The following RARS2 variants were observed in gnomAD, a reference collection of about 807,000 sequenced individuals.
RARS2 encodes probable arginine--tRNA ligase, mitochondrial.
A neutral mutation model predicts 88.5 loss-of-function variants in RARS2; 67 were observed. That is an observed-to-expected ratio of 0.76 (90% confidence interval 0.62 to 0.93). RARS2 has a LOEUF of 0.93. Ranked by LOEUF, RARS2 falls within the 40% of genes least tolerant of loss-of-function variation. The pLI is 0.00. For missense variants in RARS2, 664 were observed against 684.2 expected (o/e 0.97, Z 0.33); for synonymous variants, 239 against 230.3 (o/e 1.04, Z -0.34).
Position 87,520,184 on chromosome 6 carries a change from C to G in RARS2, c.1108G>C (p.Glu370Gln), listed in dbSNP as rs138490776. The change falls in exon 13 of 20, where the codon GAA becomes CAA. Residue 370 changes from glutamate (E) to glutamine (Q), a missense_variant. By Grantham distance (29) the Glu-to-Gln change is conservative. Transcript: ENST00000369536. ...MLKIMGYDWA[E>Q]RCQHVPFGVV... The stretch of plus-strand genomic sequence containing the variant: ...TAAGAACCATGCAGACATTACCTTT[C>G]TGCCCAGTCATATCCCATGATCTTC... 3.2e-5 allele frequency: 52 copies of G among 1,612,824 alleles called. No homozygotes were observed. The African/African-American group carries it at 4.8e-4, about 15-fold the overall frequency.
At chr6:87,529,759 A>G in intron 9 of RARS2, 111 bp from the exon 10 acceptor site, 1 of 758,208 alleles carries the variant, frequency 1.3e-6, no homozygotes. Flanking sequence ...TGAACACAAT[A>G]AAAATTAAAT....
chr6:87,552,987 A>T (rs1235679435), intron 5 of RARS2, among the ~76,000 whole-genome samples: 1 of 152,192 alleles, frequency 6.6e-6, no homozygotes, highest in African/African-American at 2.4e-5. Context: ...AAAGACATGA[A>T]TGAAAATAAT....
chr6:87,543,421 C>T (rs1005503186), intron 7 of RARS2, among the ~76,000 whole-genome samples: 1 of 151,860 alleles, frequency 6.6e-6, no homozygotes, highest in Non-Finnish European at 1.5e-5. Flanking sequence ...GTGGGCGAAT[C>T]ACTTGAGGTC....
intron 5 of RARS2, among the ~76,000 whole-genome samples, chr6:87,555,100 A>AAAATAAATAAATAAATAAAT (rs71018037): frequency 1.4e-5 from 2 of 139,556 alleles, no homozygotes; most frequent in African/African-American, 2.6e-5. Context: ...CTCCGTCTCA[A>AAAATAAATAAATAAATAAAT]AAATAAATAA....
At chr6:87,564,662 T>C in intron 2 of RARS2, 1 of 273,724 alleles carries the variant, frequency 3.7e-6, no homozygotes, top group Non-Finnish European at 7.1e-6. Flanking sequence ...AGAGCGAAAC[T>C]CTGTCTCAAA....
At chr6:87,565,007 G>A (rs1328447914) in intron 2 of RARS2, among the ~76,000 whole-genome samples, 1 of 150,912 alleles carries the variant, frequency 6.6e-6, no homozygotes, top group Non-Finnish European at 1.5e-5. Flanking sequence ...GCAGTGAGCT[G>A]AGATCATGCC....
At chr6:87,564,584 G>A (rs570502309) in intron 2 of RARS2, 15 of 373,964 alleles carry the variant, frequency 4.0e-5, no homozygotes, top group African/African-American at 2.1e-4. Context: ...CAGGGGAATC[G>A]CTTGAATCCT....
chr6:87,532,868 A>C (rs987070268), intron 8 of RARS2, among the ~76,000 whole-genome samples: 4 of 152,234 alleles, frequency 2.6e-5, no homozygotes, highest in South Asian at 4.1e-4. Context: ...AGACTTTGGT[A>C]AAGTATGGGA....
intron 4 of RARS2, among the ~76,000 whole-genome samples, chr6:87,558,735 G>A (rs2128157128): frequency 6.6e-6 from 1 of 152,266 alleles, no homozygotes; most frequent in South Asian, 2.1e-4. Context: ...TAAAAGTATA[G>A]CACATACAAT....
intron 5 of RARS2, among the ~76,000 whole-genome samples, chr6:87,554,899 G>A (rs1199653557): frequency 2.0e-5 from 3 of 152,024 alleles, no homozygotes; most frequent in Non-Finnish European, 4.4e-5. Flanking sequence ...TCAGGAGATG[G>A]AGACCATCCT....
chr6:87,514,888 A>G (rs1237673893), intron 19 of RARS2, 69 bp downstream of exon 19: 2 of 1,324,746 alleles, frequency 1.5e-6, no homozygotes, highest in East Asian at 2.3e-5. Context: ...AGAAAAATTT[A>G]CAAGACTGAC....
intron 3 of RARS2, among the ~76,000 whole-genome samples, chr6:87,563,733 A>G (rs1224762113): frequency 6.6e-6 from 1 of 152,182 alleles, no homozygotes; most frequent in African/African-American, 2.4e-5. Context: ...TCATGATTCT[A>G]TTTACATCTA....
chr6:87,548,114 A>ACG (rs1375644568), intron 6 of RARS2, among the ~76,000 whole-genome samples: 1 of 152,142 alleles, frequency 6.6e-6, no homozygotes, highest in African/African-American at 2.4e-5. Context: ...ATGGTGGCGC[A>ACG]CGCCTGTAAT....
At chr6:87,552,626 A>G (rs11966278) in intron 5 of RARS2, among the ~76,000 whole-genome samples, 1 of 152,240 alleles carries the variant, frequency 6.6e-6, no homozygotes, top group African/African-American at 2.4e-5. Context: ...GATATTTTTT[A>G]AAAGCATAAA....
At chr6:87,560,431 T>A (rs1288749874) in intron 4 of RARS2, among the ~76,000 whole-genome samples, 1 of 152,234 alleles carries the variant, frequency 6.6e-6, no homozygotes, top group Non-Finnish European at 1.5e-5. Flanking sequence ...TATTTGAAGT[T>A]ACAGTTTCTC....
Position 87,541,908 on chromosome 6 carries a change from G to C in RARS2, c.612+10C>G. Reference sequence around the variant, plus strand: ...TGAAAAATTTTTGAAATGTTTTCTTGCCAACTTACTTCAAAGAGATGCTGT... The same window carrying C: ...TGAAAAATTTTTGAAATGTTTTCTTCCCAACTTACTTCAAAGAGATGCTGT... On this transcript the variant is annotated intron_variant, in intron 8 of 19. Coordinates refer to ENST00000369536, the MANE Select transcript of RARS2 (RefSeq NM_020320.5). The C allele has an allele frequency of 6.2e-7, 1 of 1,606,430 alleles. No individual in the cohort carries two copies. The highest frequency in any genetic ancestry group is 8.5e-7 in the Non-Finnish European group (1 of 1,173,348).
chr6:87,540,835 A>G (rs1018557489), intron 8 of RARS2, among the ~76,000 whole-genome samples: 7 of 152,232 alleles, frequency 4.6e-5, no homozygotes, highest in African/African-American at 1.7e-4. Context: ...GAAATAGAGT[A>G]GGCAGAAATT....
chr6:87,579,708 A>T (rs1772797900), intron 1 of RARS2, among the ~76,000 whole-genome samples: 1 of 145,026 alleles, frequency 6.9e-6, no homozygotes, highest in Non-Finnish European at 1.5e-5. Context: ...CACCGAGCAT[A>T]GAGCATGTTT....
chr6:87,582,414 G>C (rs1773890338), intron 1 of RARS2, among the ~76,000 whole-genome samples: 1 of 152,144 alleles, frequency 6.6e-6, no homozygotes, highest in Non-Finnish European at 1.5e-5. Context: ...CTTCTGAGAA[G>C]TGTCTGTTCA....
Sources: gnomAD v4.1 joint callset for allele counts (sites outside exome capture counted in the v4.1 genomes callset) on GRCh38, gnomAD v4.1.1 for gene constraint, MANE v1.5 for transcripts, NCBI Gene and HGNC (gene_info 2026-07-23, HGNC 2026-07-21) for gene names.